HERC2: variants seen among roughly 807,000 people sequenced by gnomAD.
The protein encoded by HERC2 is HECT and RLD domain containing E3 ubiquitin protein ligase 2, also known as E3 ubiquitin-protein ligase HERC2.
Under a neutral mutation model 537.7 loss-of-function variants are expected in HERC2, and 102 were observed. That is an observed-to-expected ratio of 0.19 (90% CI 0.16 to 0.22). HERC2 has a LOEUF of 0.22. Among genes scored for constraint, HERC2 ranks in the 10% least tolerant of loss-of-function variants. The pLI is 1.00. For missense variants in HERC2, 4,236 were observed against 6,198.2 expected, an observed-to-expected ratio of 0.68 and a Z score of 10.63; for synonymous variants, 2,224 against 2,466.2, an observed-to-expected ratio of 0.90 and a Z score of 2.91.
chr15:28,308,684 G>A (rs1416670148), intron 2 of HERC2, among the ~76,000 whole-genome samples: 1 of 152,200 alleles, frequency 6.6e-6, no homozygotes, highest in African/African-American at 2.4e-5. Context: ...CTAGCTGTGG[G>A]TCTGTCATAT....
chr15:28,251,305 T>C (rs1229487346), intron 20 of HERC2, among the ~76,000 whole-genome samples: 2 of 151,714 alleles, frequency 1.3e-5, no homozygotes, highest in Admixed American at 6.6e-5. Flanking sequence ...TAGTCAGGTA[T>C]GGTGGCATGC....
At chr15:28,124,313 G>A in intron 84 of HERC2, 79 bp from the exon 85 acceptor site, 1 of 968,608 alleles carries the variant, frequency 1.0e-6, no homozygotes, top group East Asian at 3.0e-5. Flanking sequence ...TAAGGATTCT[G>A]AAAACAATTG....
chr15:28,179,251 AAAAG>A lies in HERC2; in HGVS notation c.8938-32_8938-29del, dbSNP rs756180991. 12 of 1,509,528 alleles carry A rather than the reference AAAAG, an allele frequency of 7.9e-6. No individual in the cohort carries two copies. The South Asian group carries it at 1.2e-4, about 16-fold the overall frequency. 93.5% of individuals were successfully genotyped at this position (1,509,528 alleles called of 1,614,324 possible). On this transcript the variant is annotated intron_variant, in intron 57 of 92. Coordinates refer to ENST00000261609, the MANE Select transcript of HERC2 (RefSeq NM_004667.6). The stretch of plus-strand genomic sequence containing the variant: ...ACAACAGAATTTTTTTAACAAAAAA[AAAAG>A]AAAAGAAAATTTTACTTGCATGTTT...
Position 28,268,401 on chromosome 15 carries a change from T to A in HERC2, c.1598+64A>T. The A allele has an allele frequency of 6.7e-7, 1 of 1,497,432 alleles. No homozygotes were observed. Among genetic ancestry groups the A allele is most frequent in the Non-Finnish European group, 9.2e-7 (1 of 1,089,232 alleles). The allele number at this position is 1,497,432 out of a possible 1,614,324, so 92.8% of individuals were successfully genotyped here. Reference sequence around the variant, plus strand: ...CACCTGGACACACTTCTGCGCTCCATCCTGTTTAGGATATGGCAACATAAA... The same window carrying A: ...CACCTGGACACACTTCTGCGCTCCAACCTGTTTAGGATATGGCAACATAAA... On this transcript the variant is annotated intron_variant, in intron 12 of 92. Coordinates refer to ENST00000261609, the MANE Select transcript of HERC2 (RefSeq NM_004667.6). The surrounding 1 kb of genome is among the most constrained non-coding windows in gnomAD (Gnocchi z 4.7).
chr15:28,111,452 C>A lies in HERC2; in HGVS notation c.*311G>T. On this transcript the variant is annotated 3_prime_UTR_variant, in exon 93 of 93. Transcript: ENST00000261609. The stretch of plus-strand genomic sequence containing the variant: ...CACCCACAAGTAAAAAGGCTTTATT[C>A]ATTTTGGGGATGCTGCAATTTGGTA... 2.8e-6 allele frequency: 1 copy of A among 353,778 alleles called. No individual in the cohort carries two copies. The highest frequency in any genetic ancestry group is 5.1e-6 in the Non-Finnish European group (1 of 197,186). The allele number at this position is 353,778 out of a possible 1,614,324, so 21.9% of individuals were successfully genotyped here.
intron 52 of HERC2, 37 bp downstream of exon 52, chr15:28,196,178 A>C (rs764461044): frequency 7.8e-7 from 1 of 1,289,174 alleles, no homozygotes; most frequent in Non-Finnish European, 1.1e-6. Context: ...TTTCATTAAT[A>C]TTTGGTGGAA....
In HERC2 at chr15:28,198,729, A is replaced by G. The variant is rs1394331330; in HGVS notation, c.7757T>C (p.Val2586Ala). The G allele has an allele frequency of 4.3e-6, 7 of 1,613,704 alleles. No individual in the cohort carries two copies. The highest frequency in any genetic ancestry group is 1.3e-5 in the African/African-American group (1 of 74,882). Residue 2586 changes from valine (V) to alanine (A), a missense_variant, in exon 49 of 93, where the codon GTG (valine) becomes GCG (alanine). This residue lies in a region of HERC2 where 606 missense variants were observed against 884.5 expected (regional missense o/e 0.69). Coordinates refer to ENST00000261609, the MANE Select transcript of HERC2 (RefSeq NM_004667.6). ...GACTTTGCCAACATCACCTTCGCAC[A>G]CTTCTTCATACGCTCGGCAGCATCT... ...MVRCCRAYEE[V>A]CEGDVGKVIK...
At chr15:28,155,693 T>G (rs113792637) in intron 69 of HERC2, among the ~76,000 whole-genome samples, 1 of 152,162 alleles carries the variant, frequency 6.6e-6, no homozygotes, top group African/African-American at 2.4e-5. Context: ...TTGCAAAAAT[T>G]TTCTCCCATT....
At chr15:28,243,751 A>T (rs1246889120) in intron 23 of HERC2, among the ~76,000 whole-genome samples, 1 of 152,212 alleles carries the variant, frequency 6.6e-6, no homozygotes, top group African/African-American at 2.4e-5. Flanking sequence ...ATGGAAGTGG[A>T]ACACTGAGAA....
chr15:28,208,004 T>C (rs376426215), intron 44 of HERC2, among the ~76,000 whole-genome samples: 3 of 152,234 alleles, frequency 2.0e-5, no homozygotes, highest in Non-Finnish European at 4.4e-5. Context: ...TTGATCATCC[T>C]GATTCAGGTC....
chr15:28,219,225 G>A (rs886938039), intron 37 of HERC2, among the ~76,000 whole-genome samples: 2 of 152,250 alleles, frequency 1.3e-5, no homozygotes, highest in Non-Finnish European at 2.9e-5. Context: ...CAAAGCACCG[G>A]CATCTGTGGA....
At position 28,152,638 on chromosome 15, in the gene HERC2, G is replaced by A. The variant is rs374429697; in HGVS notation, c.10900+39C>T. The A allele has an allele frequency of 2.9e-5, 44 of 1,494,542 alleles. No individual in the cohort carries two copies. The African/African-American group carries it at 4.3e-4, about 15-fold the overall frequency. The allele number at this position is 1,494,542 out of a possible 1,614,324, so 92.6% of individuals were successfully genotyped here. A position where few individuals can be genotyped will look rare whatever the true frequency, so the allele number is the denominator to read the frequency against. ...ACAGAATCACATCATTCTGAAGGTG[G>A]GAAAGGCTGCAGCTCCCCGCTGGGG... On this transcript the variant is annotated intron_variant, in intron 70 of 92. Transcript: ENST00000261609.
chr15:28,229,390 C>T, intron 33 of HERC2, 44 bp from the exon 34 acceptor site: 3 of 1,613,518 alleles, frequency 1.9e-6, no homozygotes, highest in Non-Finnish European at 2.5e-6. Flanking sequence ...CACTGCCAGA[C>T]TTCTGTTACA....
At chr15:28,250,460 G>C (rs1004241645) in intron 20 of HERC2, among the ~76,000 whole-genome samples, 5 of 152,082 alleles carry the variant, frequency 3.3e-5, no homozygotes, top group African/African-American at 1.2e-4. Flanking sequence ...GAAATTTTTA[G>C]TTTATTTAAT....
intron 55 of HERC2, 62 bp from the exon 56 acceptor site, chr15:28,186,814 G>C: frequency 1.6e-6 from 2 of 1,228,756 alleles, no homozygotes; most frequent in Non-Finnish European, 2.4e-6. Flanking sequence ...TCCTCTAACT[G>C]GAGAACGGGA....
rs773952621 is a variant in HERC2 at position 28,144,175 on chromosome 15, G to A, written c.11201C>T (p.Thr3734Met). Reference protein sequence around the residue: ...VLSCPSMDLVTCLLDFRLNLA... With the variant: ...VLSCPSMDLVMCLLDFRLNLA... ...GTTGAGTCGGAAGTCTAACAGACAC[G>A]TCACCAAGTCCATGGATGGACAGGA... Residue 3734 changes from threonine to methionine, a missense_variant, in exon 73 of 93, where the codon ACG (threonine) becomes ATG (methionine). Physicochemically the swap from Thr to Met is moderately conservative, Grantham distance 81 (BLOSUM62 -1). Transcript: ENST00000261609. The A allele has an allele frequency of 1.9e-5, 31 of 1,614,100 alleles. No individual in the cohort carries two copies. Among genetic ancestry groups the A allele is most frequent in the East Asian group, 2.2e-5 (1 of 44,878 alleles).
At position 28,292,925 on chromosome 15, in the gene HERC2, C is replaced by T; in HGVS notation, c.285G>A (p.Lys95=). 1 of 1,611,150 alleles carries T rather than the reference C, an allele frequency of 6.2e-7. No individual in the cohort carries two copies. Among genetic ancestry groups the T allele is most frequent in the Non-Finnish European group, 8.5e-7 (1 of 1,179,728 alleles). Residue 95 remains lysine, a synonymous_variant, in exon 4 of 93, where the codon AAG becomes AAA. Coordinates refer to ENST00000261609, the MANE Select transcript of HERC2 (RefSeq NM_004667.6). The part of the protein sequence containing the change: ...EETPAPIYRA[K]SILDSWVWGK... ...CCCATACCCAGCTGTCCAGAATTGA[C>T]TTGGCCCTATATATAGGTGCAGGAG...
chr15:28,223,727 A>G (rs1389178786), intron 35 of HERC2, among the ~76,000 whole-genome samples: 2 of 152,198 alleles, frequency 1.3e-5, no homozygotes, highest in Non-Finnish European at 2.9e-5. Context: ...TTAAGCTGGT[A>G]TAAAATATTA....
intron 69 of HERC2, among the ~76,000 whole-genome samples, chr15:28,161,658 T>C (rs1893611878): frequency 6.6e-6 from 1 of 152,242 alleles, no homozygotes; most frequent in Admixed American, 6.5e-5. Context: ...ACTAGCCATA[T>C]TTCAGTGTGC....
Sources: allele counts gnomAD v4.1 joint callset (sites outside exome capture counted in the v4.1 genomes callset), GRCh38; gene constraint gnomAD v4.1.1; regional missense constraint gnomAD v4.1.1; non-coding constraint Gnocchi (gnomAD v3.1); transcripts MANE v1.5; gene names NCBI Gene and HGNC (gene_info 2026-07-23, HGNC 2026-07-21).